The following EXOC3L2 variants were observed in gnomAD, a reference collection of about 807,000 sequenced individuals.
EXOC3L2 encodes the protein exocyst complex component 3-like protein 2.
EXOC3L2 carries 17 observed loss-of-function variants against 44.4 expected under a neutral mutation model. That is an observed-to-expected ratio of 0.38 (90% CI 0.26 to 0.57). EXOC3L2 has a LOEUF of 0.57. Ranked by LOEUF, EXOC3L2 falls within the 20% of genes least tolerant of loss-of-function variation. The pLI is 0.65. For missense variants in EXOC3L2, 541 were observed against 588.4 expected (o/e 0.92, Z 0.83); for synonymous variants, 256 against 253.7 (o/e 1.01, Z -0.09).
chr19:45,228,043 C>T lies in EXOC3L2; in HGVS notation c.1403G>A (p.Arg468His), dbSNP rs763701800. ...LLEEHTERAP[R>H]ISQEFGERMA... ...CCGCTCCCCAAACTCCTGGCTGATG[C>T]GGGGTGCTCGCTCTGTGTGCTCTTC... The change falls in exon 6 of 12, where the codon CGC (arginine) becomes CAC (histidine). Residue 468 changes from arginine (R) to histidine (H), a missense_variant. By Grantham distance (29) the Arg-to-His change is conservative. Coordinates refer to ENST00000413988, the MANE Select transcript of EXOC3L2 (RefSeq NM_001382422.1). 9 of 1,614,070 alleles carry T rather than the reference C, an allele frequency of 5.6e-6. No individual in the cohort carries two copies. The highest frequency in any genetic ancestry group is 2.2e-5 in the East Asian group (1 of 44,874).
At chr19:45,228,488 C>A (rs1054419669) in intron 4 of EXOC3L2, among the ~76,000 whole-genome samples, 5 of 152,028 alleles carry the variant, frequency 3.3e-5, no homozygotes, top group Non-Finnish European at 7.4e-5. Context: ...TATTAAAAGT[C>A]TGGTTTGGCC....
intron 1 of EXOC3L2, among the ~76,000 whole-genome samples, chr19:45,240,261 T>A (rs1393880594): frequency 2.0e-5 from 3 of 151,760 alleles, no homozygotes; most frequent in Non-Finnish European, 4.4e-5. Context: ...TGTACCACCA[T>A]GCCCACTTAA....
intron 1 of EXOC3L2, among the ~76,000 whole-genome samples, chr19:45,244,121 G>A (rs537511323): frequency 3.3e-5 from 5 of 151,198 alleles, no homozygotes; most frequent in South Asian, 4.2e-4. Context: ...ATGAGGTTTC[G>A]CCCTGTTGCC....
intron 1 of EXOC3L2, among the ~76,000 whole-genome samples, chr19:45,240,966 C>T (rs540112909): frequency 1.1e-3 from 167 of 152,240 alleles, no homozygotes; most frequent in Non-Finnish European, 1.9e-3. Flanking sequence ...CCTGTGCAGG[C>T]GTTAGGGACA....
At chr19:45,218,089 G>T in intron 9 of EXOC3L2, 108 bp downstream of exon 9, 1 of 1,385,584 alleles carries the variant, frequency 7.2e-7, no homozygotes, top group Non-Finnish European at 9.5e-7. Context: ...CAGCAGGAGC[G>T]TTCTTGGCTC....
rs1257268359 is a variant in EXOC3L2 at position 45,239,004 on chromosome 19, C to T, written c.42G>A (p.Val14=). 7.5e-6 allele frequency: 3 copies of T among 398,980 alleles called. No homozygotes were observed. The highest frequency in any genetic ancestry group is 3.6e-5 in the East Asian group (1 of 28,082). The allele number at this position is 398,980 out of a possible 1,614,324, so 24.7% of individuals were successfully genotyped here. Reference sequence around the variant, plus strand: ...TCAGGGGCAGGGTCCCCGCCCGGGGCACCTTAGGGTCTGACACTCCCAGAT... The same window carrying T: ...TCAGGGGCAGGGTCCCCGCCCGGGGTACCTTAGGGTCTGACACTCCCAGAT... The part of the protein sequence containing the change: ...LKNLGVSDPK[V]PRAGTLPLRS... Residue 14 remains valine (V), a synonymous_variant, in exon 2 of 12, where the codon GTG becomes GTA. Transcript: ENST00000413988.
At chr19:45,216,471 C>G (rs1392025271) in intron 10 of EXOC3L2, among the ~76,000 whole-genome samples, 2 of 152,002 alleles carry the variant, frequency 1.3e-5, no homozygotes, top group Non-Finnish European at 2.9e-5. Flanking sequence ...CCCAACTACT[C>G]AGGAGGCTGA....
At chr19:45,224,735 T>C in intron 8 of EXOC3L2, 43 bp downstream of exon 8, 2 of 1,534,686 alleles carry the variant, frequency 1.3e-6, no homozygotes, top group Non-Finnish European at 1.8e-6. Context: ...AGCGCTTCCC[T>C]GTCCTGGCAT....
At position 45,234,178 on chromosome 19, in the gene EXOC3L2, C is replaced by A. The variant is rs1020171871; in HGVS notation, c.1157+15G>T. On this transcript the variant is annotated intron_variant, in intron 3 of 11. Transcript: ENST00000413988. This position sits in a 1 kb window ranked among gnomAD's most constrained non-coding sequence, Gnocchi z 5.0. ...GAGGGTTTCACGTGACCTTGGGCAACTGAGTCCAGCTTACCTGGGGTAGAC... is the reference window on the plus strand; with the variant it reads ...GAGGGTTTCACGTGACCTTGGGCAAATGAGTCCAGCTTACCTGGGGTAGAC... The A allele has an allele frequency of 1.0e-5, 4 of 395,930 alleles. No homozygotes were observed. The South Asian group carries it at 3.8e-4, about 38-fold the overall frequency. The allele number at this position is 395,930 out of a possible 1,614,324, so 24.5% of individuals were successfully genotyped here.
intron 3 of EXOC3L2, among the ~76,000 whole-genome samples, chr19:45,232,152 C>T (rs1336345718): frequency 1.3e-5 from 2 of 152,118 alleles, no homozygotes; most frequent in African/African-American, 4.8e-5. Flanking sequence ...ACCCATGATC[C>T]ATTTCACCAG....
Position 45,234,698 on chromosome 19 carries a change from C to T in EXOC3L2, c.652G>A (p.Ala218Thr), listed in dbSNP as rs1432914071. Residue 218 changes from alanine (A) to threonine (T), a missense_variant, in exon 3 of 12, where the codon GCT becomes ACT. Transcript: ENST00000413988. The surrounding 1 kb of genome is among the most constrained non-coding windows in gnomAD (Gnocchi z 5.0). ...TCCCGCGCCCGGCGGCCCCCGCCAG[C>T]GCCCTCGGCCTTGGGAGGCCCAGGC... ...GAPGPPKAEG[A>T]GGGRRARDVA... 6 of 387,028 alleles carry T rather than the reference C, an allele frequency of 1.6e-5. No homozygotes were observed. The allele number at this position is 387,028 out of a possible 1,614,324, so 24.0% of individuals were successfully genotyped here.
chr19:45,231,692 G>T, intron 4 of EXOC3L2, 71 bp downstream of exon 4: 1 of 1,348,672 alleles, frequency 7.4e-7, no homozygotes, highest in Non-Finnish European at 1.0e-6. Context: ...GAGGGGACAG[G>T]CTTCCCAAGC....
intron 8 of EXOC3L2, among the ~76,000 whole-genome samples, chr19:45,223,611 G>A (rs143154520): frequency 0.087 from 13,166 of 150,736 alleles, 783 homozygotes; most frequent in African/African-American, 0.16. Flanking sequence ...CCAAGTGCTG[G>A]GATTACAGGC....
chr19:45,241,657 C>T (rs913941947), intron 1 of EXOC3L2, among the ~76,000 whole-genome samples: 1 of 152,142 alleles, frequency 6.6e-6, no homozygotes, highest in African/African-American at 2.4e-5. Flanking sequence ...ACCCCAGGAA[C>T]CTCCAGGTTT....
chr19:45,215,955 G>A (rs766683425), intron 11 of EXOC3L2, 118 bp downstream of exon 11: 8 of 1,431,820 alleles, frequency 5.6e-6, no homozygotes, highest in East Asian at 2.4e-5. Flanking sequence ...GGAAACGGCC[G>A]TCAGACACGC....
At chr19:45,229,199 T>C (rs980925193) in intron 4 of EXOC3L2, among the ~76,000 whole-genome samples, 2 of 126,320 alleles carry the variant, frequency 1.6e-5, no homozygotes, top group Non-Finnish European at 3.3e-5. Context: ...ATTAAATATA[T>C]ACATATATTT....
At chr19:45,220,118 A>G (rs186873714) in intron 8 of EXOC3L2, among the ~76,000 whole-genome samples, 5 of 152,236 alleles carry the variant, frequency 3.3e-5, no homozygotes, top group Non-Finnish European at 5.9e-5. Flanking sequence ...GGTTGCAGTG[A>G]GCTGAGATCA....
intron 11 of EXOC3L2, among the ~76,000 whole-genome samples, chr19:45,215,214 C>G (rs1264339475): frequency 6.6e-6 from 1 of 151,932 alleles, no homozygotes; most frequent in Non-Finnish European, 1.5e-5. Context: ...CGGTGGCTCA[C>G]ACTTCCCCAT....
At chr19:45,217,985 C>T (rs1040490568) in intron 9 of EXOC3L2, among the ~76,000 whole-genome samples, 2 of 151,952 alleles carry the variant, frequency 1.3e-5, no homozygotes, top group Non-Finnish European at 2.9e-5. Flanking sequence ...CGCCTTACAC[C>T]CCAGTTCCAC....
Sources: allele counts gnomAD v4.1 joint callset (sites outside exome capture counted in the v4.1 genomes callset), GRCh38; gene constraint gnomAD v4.1.1; non-coding constraint Gnocchi (gnomAD v3.1); transcripts MANE v1.5; gene names NCBI Gene and HGNC (gene_info 2026-07-23, HGNC 2026-07-21).